Variants in RWDD3 observed in about 807,000 individuals in gnomAD.
RWDD3 encodes the protein RWD domain-containing protein 3.
In RWDD3, 30 loss-of-function variants were observed where a neutral mutation model predicts 26.5. That is an observed-to-expected ratio of 1.13 (90% confidence interval 0.85 to 1.54). The LOEUF (loss-of-function observed/expected upper bound fraction) is 1.54. RWDD3 is among the 40% of genes most tolerant of loss of function. The pLI is 0.00. For missense variants in RWDD3, 296 were observed against 309.1 expected (o/e 0.96, Z 0.32); for synonymous variants, 113 against 114.5 (o/e 0.99, Z 0.09).
In RWDD3 at chr1:95,244,205, T is replaced by C. The variant is rs778847503; in HGVS notation, c.86-6T>C. 77 of 1,610,778 alleles carry C rather than the reference T, an allele frequency of 4.8e-5. No individual in the cohort carries two copies. The highest frequency in any genetic ancestry group is 6.3e-5 in the Non-Finnish European group (74 of 1,177,460). ...CAGCTAATGATTATTTTTGGATGCC[T>C]TCCAGAGACAGATGGGACCGTGTTC... On this transcript the variant is annotated splice_polypyrimidine_tract_variant and splice_region_variant and intron_variant, in intron 1 of 3. Coordinates refer to ENST00000370202, the MANE Select transcript of RWDD3 (RefSeq NM_015485.5).
chr1:95,239,422 A>T (rs898337964), intron 1 of RWDD3, among the ~76,000 whole-genome samples: 20 of 152,222 alleles, frequency 1.3e-4, no homozygotes, highest in Admixed American at 7.2e-4. Flanking sequence ...TGTCAAGCAG[A>T]TGAGATATGG....
intron 1 of RWDD3, 145 bp downstream of exon 1, chr1:95,234,460 C>T (rs984998853): frequency 8.1e-6 from 6 of 744,282 alleles, no homozygotes; most frequent in African/African-American, 5.3e-5. Flanking sequence ...ATGACACGCC[C>T]GGAGGCCGGA....
rs141917580 is a variant in RWDD3 at position 95,247,063 on chromosome 1, C to T, written c.*193C>T. 511 of 368,538 alleles carry T rather than the reference C, an allele frequency of 1.4e-3. 5 individuals are homozygous for T. Among genetic ancestry groups the T allele is most frequent in the African/African-American group, 1.0e-2 (477 of 47,768 alleles). The allele number at this position is 368,538 out of a possible 1,614,324, so 22.8% of individuals were successfully genotyped here. ...TAAACATGAAGAAAACTTGTATATT[C>T]TAATGTTTGCCAGGAAAGGCTAGGT... On this transcript the variant is annotated 3_prime_UTR_variant, in exon 4 of 4. Coordinates refer to ENST00000370202, the MANE Select transcript of RWDD3 (RefSeq NM_015485.5).
intron 2 of RWDD3, among the ~76,000 whole-genome samples, chr1:95,245,439 A>G (rs1198010116): frequency 1.3e-5 from 2 of 152,238 alleles, no homozygotes; most frequent in Middle Eastern, 3.2e-3. Flanking sequence ...AGGTTAGGTC[A>G]TGAATAATTA....
chr1:95,238,311 T>C (rs1680452194), intron 1 of RWDD3, among the ~76,000 whole-genome samples: 1 of 152,222 alleles, frequency 6.6e-6, no homozygotes, highest in African/African-American at 2.4e-5. Context: ...CTGTCACACA[T>C]TGACCCCTCT....
At chr1:95,239,140 ATGTT>A (rs1405066892) in intron 1 of RWDD3, among the ~76,000 whole-genome samples, 10 of 152,228 alleles carry the variant, frequency 6.6e-5, no homozygotes, top group African/African-American at 2.2e-4. Flanking sequence ...TAGGGCATAG[ATGTT>A]TGTTGAGAAT....
intron 1 of RWDD3, among the ~76,000 whole-genome samples, chr1:95,242,783 G>A (rs1680685840): frequency 6.6e-6 from 1 of 152,072 alleles, no homozygotes; most frequent in Admixed American, 6.5e-5. Context: ...GCTGGGCATG[G>A]TGGCATATGA....
chr1:95,244,819 T>G, intron 2 of RWDD3, 121 bp downstream of exon 2: 5 of 1,142,946 alleles, frequency 4.4e-6, no homozygotes, highest in Non-Finnish European at 2.4e-6. Flanking sequence ...GCTTTCATTA[T>G]TACAATCTTA....
chr1:95,237,258 T>C (rs950920867), intron 1 of RWDD3: 5 of 152,032 alleles, frequency 3.3e-5, no homozygotes, highest in African/African-American at 9.7e-5. Flanking sequence ...TGGCTACCAC[T>C]CACCATCACT....
intron 2 of RWDD3, 83 bp from the exon 3 acceptor site, chr1:95,246,459 C>A: frequency 1.4e-6 from 1 of 696,140 alleles, no homozygotes; most frequent in South Asian, 2.2e-5. Flanking sequence ...TGAAAATAAG[C>A]CTACAGGTTT....
Position 95,234,235 on chromosome 1 carries a change from C to T in RWDD3, c.5C>T (p.Ala2Val), listed in dbSNP as rs762742385. ...GAGGCGGTGGGGCCCACAGCCATGG[C>T]GGAGCCTGTGCAGGAGGAGCTCTCG... M[A>V]EPVQEELSVL... Residue 2 changes from alanine (A) to valine (V), a missense_variant, in exon 1 of 4, where the codon GCG becomes GTG. Ala to Val is a moderately conservative substitution (Grantham distance 64, BLOSUM62 0). Coordinates refer to ENST00000370202, the MANE Select transcript of RWDD3 (RefSeq NM_015485.5). 2 of 1,587,992 alleles carry T rather than the reference C, an allele frequency of 1.3e-6. No individual in the cohort carries two copies. Among genetic ancestry groups the T allele is most frequent in the Non-Finnish European group, 1.7e-6 (2 of 1,167,802 alleles).
intron 1 of RWDD3, among the ~76,000 whole-genome samples, chr1:95,236,378 A>G (rs1412861229): frequency 6.6e-6 from 1 of 151,776 alleles, no homozygotes; most frequent in Non-Finnish European, 1.5e-5. Context: ...ATGTTGTGAG[A>G]AAACCATTTA....
At chr1:95,245,173 G>T (rs920141034) in intron 2 of RWDD3, among the ~76,000 whole-genome samples, 1 of 152,170 alleles carries the variant, frequency 6.6e-6, no homozygotes, top group Non-Finnish European at 1.5e-5. Context: ...AGAGGAGCTT[G>T]TCTGTTATAA....
In RWDD3 at chr1:95,244,268, A is replaced by C; in HGVS notation, c.143A>C (p.Asp48Ala). ...HTKAEGFMDV[D>A]IPLELVFHLP... is the part of the protein sequence containing the mutation. ...AAAGCTGAAGGATTTATGGATGTGG[A>C]TATACCTCTGGAATTGGTGTTCCAT... Residue 48 changes from aspartate (D) to alanine (A), a missense_variant, in exon 2 of 4, where the codon GAT (aspartate) becomes GCT (alanine). By Grantham distance (126) the Asp-to-Ala change is moderately radical. Coordinates refer to ENST00000370202, the MANE Select transcript of RWDD3 (RefSeq NM_015485.5). The C allele has an allele frequency of 1.9e-6, 3 of 1,614,180 alleles. No homozygotes were observed. The highest frequency in any genetic ancestry group is 1.7e-6 in the Non-Finnish European group (2 of 1,180,030).
At chr1:95,237,965 A>G (rs1157819481) in intron 1 of RWDD3, among the ~76,000 whole-genome samples, 1 of 152,214 alleles carries the variant, frequency 6.6e-6, no homozygotes, top group Non-Finnish European at 1.5e-5. Flanking sequence ...GAGCACCCAG[A>G]GAAAAGATAT....
In RWDD3 at chr1:95,246,761, T is replaced by G; in HGVS notation, c.695T>G (p.Leu232Arg). The G allele has an allele frequency of 6.4e-7, 1 of 1,557,350 alleles. No homozygotes were observed. Reference sequence around the variant, plus strand: ...GTTTCTTTTGTATAATGCAGGTTTCTGGCATTTGAAGTCAAAGAGTATTCA... The same window carrying G: ...GTTTCTTTTGTATAATGCAGGTTTCGGGCATTTGAAGTCAAAGAGTATTCA... ...TKVQTEHKRF[L>R]AFEVKEYSAL... Residue 232 changes from leucine to arginine, a missense_variant, in exon 4 of 4, where the codon CTG (leucine) becomes CGG (arginine). By Grantham distance (102) the Leu-to-Arg change is moderately radical. Transcript: ENST00000370202.
At chr1:95,242,259 G>A (rs999049680) in intron 1 of RWDD3, among the ~76,000 whole-genome samples, 4 of 152,218 alleles carry the variant, frequency 2.6e-5, no homozygotes, top group Non-Finnish European at 4.4e-5. Flanking sequence ...TTTAGGTGTA[G>A]AAGAGAAGTC....
Position 95,234,240 on chromosome 1 carries a change from C to T in RWDD3, c.10C>T (p.Pro4Ser), listed in dbSNP as rs2101083048. The stretch of plus-strand genomic sequence containing the variant: ...GGTGGGGCCCACAGCCATGGCGGAG[C>T]CTGTGCAGGAGGAGCTCTCGGTCCT... MAE[P>S]VQEELSVLAA... The change falls in exon 1 of 4, where the codon CCT (proline) becomes TCT (serine). Residue 4 changes from proline to serine, a missense_variant. Physicochemically the swap from Pro to Ser is moderately conservative, Grantham distance 74. Coordinates refer to ENST00000370202, the MANE Select transcript of RWDD3 (RefSeq NM_015485.5). 1 of 1,590,750 alleles carries T rather than the reference C, an allele frequency of 6.3e-7. No homozygotes were observed. Among genetic ancestry groups the T allele is most frequent in the Non-Finnish European group, 8.6e-7 (1 of 1,169,222 alleles).
At chr1:95,234,167 G>A, upstream of RWDD3, 1 of 1,511,486 alleles carries the variant, frequency 6.6e-7, no homozygotes, top group Non-Finnish European at 8.9e-7. Context: ...TGCTGCTCCT[G>A]GCCGGTGGAG....
Sources: allele counts gnomAD v4.1 joint callset (sites outside exome capture counted in the v4.1 genomes callset), GRCh38; gene constraint gnomAD v4.1.1; transcripts MANE v1.5; gene names NCBI Gene and HGNC (gene_info 2026-07-23, HGNC 2026-07-21).